Variants in NOTCH2NLB observed in about 807,000 individuals in gnomAD.
The protein encoded by NOTCH2NLB is notch homolog 2 N-terminal-like protein B.
Under a neutral mutation model 14.8 loss-of-function variants are expected in NOTCH2NLB, and 1 was observed. The observed-to-expected ratio is 0.07, with a 90% CI of 0.02 to 0.32. The LOEUF is 0.32. NOTCH2NLB is among the 10% of genes least tolerant of loss of function. The pLI, the probability that NOTCH2NLB is intolerant of heterozygous loss-of-function variation, is 1.00. For missense variants in NOTCH2NLB, 11 were observed against 155.0 expected, an observed-to-expected ratio of 0.07 and a Z score of 4.93; for synonymous variants, 6 against 57.5, an observed-to-expected ratio of 0.10 and a Z score of 4.05.
downstream of NOTCH2NLB, among the ~76,000 whole-genome samples, chr1:148,605,508 C>T (rs1376413072): frequency 7.0e-6 from 1 of 142,528 alleles, no homozygotes; most frequent in Admixed American, 6.8e-5. Context: ...TAAGAGACAG[C>T]CAAGATTTCC....
At chr1:148,648,020 TA>T (rs1664408720) in intron 1 of NOTCH2NLB, among the ~76,000 whole-genome samples, 1 of 146,110 alleles carries the variant, frequency 6.8e-6, no homozygotes, top group African/African-American at 2.5e-5. Flanking sequence ...TATAAATGAA[TA>T]TTTTTTGTAT....
At chr1:148,613,364 T>C (rs1347740022) in intron 3 of NOTCH2NLB, among the ~76,000 whole-genome samples, 1 of 149,928 alleles carries the variant, frequency 6.7e-6, no homozygotes, top group Admixed American at 6.7e-5. Flanking sequence ...CTTGATTGAA[T>C]TGAAGGATAC....
At chr1:148,651,158 AAAAAATATAT>A (rs1191215039) in intron 1 of NOTCH2NLB, among the ~76,000 whole-genome samples, 14,467 of 72,956 alleles carry the variant, frequency 0.2, 50 homozygotes, top group Non-Finnish European at 0.25. Context: ...AAAAAAAAAA[AAAAAATATAT>A]ATATATATAT....
upstream of NOTCH2NLB, chr1:148,679,788 T>C: frequency 2.2e-6 from 1 of 456,894 alleles, no homozygotes; most frequent in South Asian, 4.3e-5. Flanking sequence ...TCGTGTGTCC[T>C]TCCGCCTCAG....
Position 148,625,396 on chromosome 1 carries a change from TAAC to T in NOTCH2NLB, c.78-9449_78-9447del, listed in dbSNP as rs1366849551. 4.6e-5 allele frequency among the ~76,000 whole-genome samples: 3 copies of T among 65,454 alleles called. 1 individual carries two copies. The highest frequency in any genetic ancestry group is 1.9e-4 in the African/African-American group (3 of 15,764). 42.9% of individuals were successfully genotyped at this position (65,454 alleles called of 152,430 possible). ...TTGGCCATTCAAGAAACAACAACAA[TAAC>T]AACAAAGCAAAATCCCACCACATAC... On this transcript the variant is annotated intron_variant, in intron 2 of 4. Transcript: ENST00000593495.
intron 1 of NOTCH2NLB, among the ~76,000 whole-genome samples, chr1:148,649,580 A>G (rs1185394887): frequency 4.0e-5 from 6 of 148,400 alleles, no homozygotes; most frequent in Non-Finnish European, 7.4e-5. Flanking sequence ...GCGCAATCTC[A>G]GCTCACTGCA....
intron 1 of NOTCH2NLB, among the ~76,000 whole-genome samples, chr1:148,649,463 TTGCC>T (rs1235537863): frequency 5.3e-5 from 5 of 94,606 alleles, no homozygotes; most frequent in African/African-American, 2.0e-4. Context: ...AAGACAAATT[TTGCC>T]TGTCACCAAT....
chr1:148,627,614 C>T (rs1412802576), intron 2 of NOTCH2NLB, among the ~76,000 whole-genome samples: 215 of 151,104 alleles, frequency 1.4e-3, no homozygotes, highest in African/African-American at 5.0e-3. Flanking sequence ...TCTGTACACG[C>T]TGTTCAGTCA....
chr1:148,684,917 G>A, the NOTCH2NLB span, among the ~76,000 whole-genome samples: 7 of 134,538 alleles, frequency 5.2e-5, no homozygotes, highest in Admixed American at 2.2e-4. Context: ...GACAGAGCAA[G>A]ACCCTGTCAA....
the NOTCH2NLB span, among the ~76,000 whole-genome samples, chr1:148,691,632 A>G: frequency 1.6e-4 from 2 of 12,882 alleles, no homozygotes; most frequent in Non-Finnish European, 2.7e-4. Flanking sequence ...CCATAGTGAT[A>G]TAGTTGACCC....
intron 1 of NOTCH2NLB, among the ~76,000 whole-genome samples, chr1:148,651,162 A>AAATATATATATAT (rs1553341433): frequency 2.2e-5 from 1 of 46,040 alleles, no homozygotes; most frequent in African/African-American, 7.7e-5. Context: ...AAAAAAAAAA[A>AAATATATATATAT]ATATATATAT....
At chr1:148,604,948 T>TAC (rs1265225347), downstream of NOTCH2NLB, among the ~76,000 whole-genome samples, 22 of 103,576 alleles carry the variant, frequency 2.1e-4, no homozygotes, top group East Asian at 4.3e-3. Flanking sequence ...CACAACGCCA[T>TAC]ATACACACAC....
chr1:148,638,809 C>G (rs1225332466), intron 2 of NOTCH2NLB, among the ~76,000 whole-genome samples: 1 of 147,896 alleles, frequency 6.8e-6, no homozygotes, highest in Non-Finnish European at 1.5e-5. Context: ...AATTACATTC[C>G]TGGTAAGAAA....
At position 148,658,532 on chromosome 1, in the gene NOTCH2NLB, TAGAC is replaced by T. The variant is rs1360621976; in HGVS notation, c.4-18447_4-18444del. Among the ~76,000 whole-genome samples the T allele has an allele frequency of 5.7e-5, 6 of 105,442 alleles. 1 individual carries two copies. Among genetic ancestry groups the T allele is most frequent in the Non-Finnish European group, 7.7e-5 (4 of 52,262 alleles). The allele number at this position is 105,442 out of a possible 152,430, so 69.2% of individuals were successfully genotyped here. ...GCAGTAAAGAATGTGGCTTTGCAAT[TAGAC>T]AGGCCCAATACCACTTTTTTTTTTT... On this transcript the variant is annotated intron_variant, in intron 1 of 4. Coordinates refer to ENST00000593495, the Ensembl canonical transcript of NOTCH2NLB.
At chr1:148,633,379 C>G (rs1336961567) in intron 2 of NOTCH2NLB, among the ~76,000 whole-genome samples, 1 of 100,214 alleles carries the variant, frequency 1.0e-5, no homozygotes, top group Non-Finnish European at 1.9e-5. Flanking sequence ...CAGTGAAACC[C>G]CGTCTCTACT....
intron 2 of NOTCH2NLB, among the ~76,000 whole-genome samples, chr1:148,627,608 T>C (rs1664010716): frequency 6.6e-6 from 1 of 150,994 alleles, no homozygotes; most frequent in South Asian, 2.1e-4. Context: ...CAGACCTCTG[T>C]ACACGCTGTT....
At chr1:148,685,408 G>GATC in the NOTCH2NLB span, among the ~76,000 whole-genome samples, 1 of 133,188 alleles carries the variant, frequency 7.5e-6, no homozygotes, top group African/African-American at 2.8e-5. Context: ...TCTAGGTGCA[G>GATC]ATCATATCTA....
upstream of NOTCH2NLB, among the ~76,000 whole-genome samples, chr1:148,680,744 C>G (rs1664922719): frequency 1.4e-5 from 2 of 146,518 alleles, no homozygotes; most frequent in African/African-American, 2.5e-5. Flanking sequence ...ATATTTTTTT[C>G]AAGACAATAC....
the NOTCH2NLB span, among the ~76,000 whole-genome samples, chr1:148,703,352 C>A: frequency 1.7e-5 from 2 of 116,708 alleles, no homozygotes; most frequent in Admixed American, 1.9e-4. Context: ...ATGGGCAGGA[C>A]AAATAAACAA....
Sources: gnomAD v4.1 joint callset for allele counts (sites outside exome capture counted in the v4.1 genomes callset) on GRCh38, gnomAD v4.1.1 for gene constraint, MANE v1.5 for transcripts, NCBI Gene and HGNC (gene_info 2026-07-23, HGNC 2026-07-21) for gene names.